The following SPHKAP variants were observed in gnomAD, a reference collection of about 807,000 sequenced individuals.
SPHKAP encodes the protein SPHK1 interactor, AKAP domain containing, also known as A-kinase anchor protein SPHKAP.
Under a neutral mutation model 137.5 loss-of-function variants are expected in SPHKAP, and 67 were observed. The observed-to-expected ratio is 0.49, with a 90% confidence interval of 0.40 to 0.60. The LOEUF (loss-of-function observed/expected upper bound fraction) is 0.60, where lower values mean the gene tolerates loss of function less well. Among genes scored for constraint, SPHKAP ranks in the 20% least tolerant of loss-of-function variants. SPHKAP has a pLI of 0.00. For synonymous variants in SPHKAP, 813 were observed against 785.3 expected (o/e 1.04, Z -0.59); for missense variants, 2,097 against 2,069.3 (o/e 1.01, Z -0.26).
intron 1 of SPHKAP, among the ~76,000 whole-genome samples, chr2:228,149,587 C>A (rs1455848442): frequency 1.3e-5 from 2 of 152,200 alleles, no homozygotes; most frequent in Non-Finnish European, 2.9e-5. Flanking sequence ...GAGCAACCAT[C>A]TGTAGTCACA....
chr2:228,177,073 A>G (rs1419338909), intron 1 of SPHKAP, among the ~76,000 whole-genome samples: 1 of 152,164 alleles, frequency 6.6e-6, no homozygotes, highest in Non-Finnish European at 1.5e-5. Context: ...TTCATTTATG[A>G]GATGATTGTA....
chr2:228,158,913 T>C (rs1159451539), intron 1 of SPHKAP, among the ~76,000 whole-genome samples: 1 of 152,210 alleles, frequency 6.6e-6, no homozygotes, highest in Non-Finnish European at 1.5e-5. Flanking sequence ...AAATACCAAA[T>C]ACTTCCAATT....
At chr2:228,031,932 GA>G (rs1440701089) in intron 3 of SPHKAP, among the ~76,000 whole-genome samples, 1 of 152,128 alleles carries the variant, frequency 6.6e-6, no homozygotes, top group South Asian at 2.1e-4. Flanking sequence ...CAAAGATGGG[GA>G]AAAAACAGCA....
intron 7 of SPHKAP, among the ~76,000 whole-genome samples, chr2:228,007,509 ACT>A (rs548936840): frequency 1.3e-5 from 2 of 151,368 alleles, no homozygotes; most frequent in Non-Finnish European, 2.9e-5. Context: ...TCATCATTTT[ACT>A]CTCTCCTTCT....
At chr2:228,118,679 G>T (rs962966681) in intron 2 of SPHKAP, among the ~76,000 whole-genome samples, 5 of 151,858 alleles carry the variant, frequency 3.3e-5, no homozygotes, top group African/African-American at 1.2e-4. Flanking sequence ...TTCCATATTG[G>T]CTCATATCAT....
At chr2:227,990,823 C>A in intron 11 of SPHKAP, 177 bp downstream of exon 11, 1 of 656,968 alleles carries the variant, frequency 1.5e-6, no homozygotes, top group East Asian at 2.8e-5. Context: ...CAAAGAAACG[C>A]TAAGTATATT....
chr2:228,012,918 G>A (rs982926418), intron 7 of SPHKAP, among the ~76,000 whole-genome samples: 32 of 152,170 alleles, frequency 2.1e-4, no homozygotes, highest in African/African-American at 7.7e-4. Flanking sequence ...AAGTAAGAAA[G>A]TGATTTTTAT....
chr2:227,998,125 G>T (rs1693703275), intron 7 of SPHKAP, among the ~76,000 whole-genome samples: 1 of 152,166 alleles, frequency 6.6e-6, no homozygotes, highest in African/African-American at 2.4e-5. Context: ...CCCTGCCTCG[G>T]CCTCCCAAGT....
chr2:227,992,473 TG>T lies in SPHKAP; in HGVS notation c.4721+1060del, dbSNP rs541246526. On this transcript the variant is annotated intron_variant, in intron 9 of 11. Transcript: ENST00000392056. The stretch of plus-strand genomic sequence containing the variant: ...GCTTCCTCAGAATACAGATTTTCCC[TG>T]GGGTTGTAGGGTCATAGGCTCATAT... Among the ~76,000 whole-genome samples the T allele has an allele frequency of 8.2e-3, 1,242 of 152,280 alleles. 18 individuals are homozygous for T. The highest frequency in any genetic ancestry group is 0.029 in the African/African-American group (1,200 of 41,544).
At chr2:228,097,423 C>T (rs542928440) in intron 3 of SPHKAP, among the ~76,000 whole-genome samples, 1 of 152,276 alleles carries the variant, frequency 6.6e-6, no homozygotes, top group Non-Finnish European at 1.5e-5. Flanking sequence ...ACATCTCTTG[C>T]TATTTTGGGG....
rs764243029 is a variant in SPHKAP at position 228,017,027 on chromosome 2, G to T, written c.3827C>A (p.Pro1276Gln). 1 of 1,614,128 alleles carries T rather than the reference G, an allele frequency of 6.2e-7. No homozygotes were observed. The highest frequency in any genetic ancestry group is 8.5e-7 in the Non-Finnish European group (1 of 1,180,014). Residue 1276 changes from proline to glutamine, a missense_variant, in exon 7 of 12, where the codon CCG becomes CAG. By Grantham distance (76) the Pro-to-Gln change is moderately conservative. Coordinates refer to ENST00000392056, the MANE Select transcript of SPHKAP (RefSeq NM_001142644.2). ...NCPQDFLSVQ[P>Q]VSSASSSGLC... ...ACCGGATGAGGACGCGCTACTGACC[G>T]GCTGCACGCTTAGGAAATCTTGTGG...
intron 3 of SPHKAP, among the ~76,000 whole-genome samples, chr2:228,104,722 A>G (rs530333203): frequency 7.9e-5 from 12 of 152,278 alleles, no homozygotes; most frequent in African/African-American, 2.9e-4. Context: ...ACTGTGATTC[A>G]TCAATTAAAG....
rs141921458 is a variant in SPHKAP at position 227,982,780 on chromosome 2, G to A, written c.4960-920C>T. ...AGGATCATGGTCTTCTAACACTTCC[G>A]TACAATGCTCTTTCTATCACCGCAC... is the stretch of plus-strand genomic sequence containing the variant. On this transcript the variant is annotated intron_variant, in intron 11 of 11. Coordinates refer to ENST00000392056, the MANE Select transcript of SPHKAP (RefSeq NM_001142644.2). 3.4e-4 allele frequency among the ~76,000 whole-genome samples: 52 copies of A among 152,240 alleles called. 1 individual carries two copies. The East Asian group carries it at 7.1e-3, about 21-fold the overall frequency.
Position 228,181,091 on chromosome 2 carries a change from G to A in SPHKAP, c.32+476C>T, listed in dbSNP as rs558161557. The stretch of plus-strand genomic sequence containing the variant: ...CAGTCTAGGTGTCGGTCGGGGGTGA[G>A]GGACAATCTTCCCCACCCCAGCAGC... On this transcript the variant is annotated intron_variant, in intron 1 of 11. Coordinates refer to ENST00000392056, the MANE Select transcript of SPHKAP (RefSeq NM_001142644.2). This position sits in a 1 kb window ranked among gnomAD's most constrained non-coding sequence, Gnocchi z 4.3. Among the ~76,000 whole-genome samples, 99 of 152,196 alleles carry A rather than the reference G, an allele frequency of 6.5e-4. 3 individuals are homozygous for A. In the South Asian group the frequency reaches 0.021, roughly 32 times the overall value.
intron 7 of SPHKAP, among the ~76,000 whole-genome samples, chr2:228,006,134 T>C (rs1694120008): frequency 6.6e-6 from 1 of 152,202 alleles, no homozygotes. Flanking sequence ...CTGCAGAGTG[T>C]TTTCCAAGTC....
At chr2:228,110,956 TAAA>T (rs1698499788) in intron 2 of SPHKAP, among the ~76,000 whole-genome samples, 2 of 152,096 alleles carry the variant, frequency 1.3e-5, no homozygotes, top group Admixed American at 1.3e-4. Flanking sequence ...GAAAATAAAA[TAAA>T]AAATTTTCTT....
intron 7 of SPHKAP, among the ~76,000 whole-genome samples, chr2:227,998,258 A>G (rs1328264963): frequency 6.6e-6 from 1 of 152,132 alleles, no homozygotes; most frequent in Admixed American, 6.6e-5. Flanking sequence ...TGGGCCTCCC[A>G]AAGTGCTGGG....
intron 3 of SPHKAP, among the ~76,000 whole-genome samples, chr2:228,102,005 T>C (rs1055678665): frequency 3.3e-5 from 5 of 152,168 alleles, no homozygotes; most frequent in African/African-American, 1.2e-4. Context: ...TACATTAACA[T>C]TGGGTGTAGT....
intron 2 of SPHKAP, among the ~76,000 whole-genome samples, chr2:228,123,487 T>A (rs1402626657): frequency 6.6e-6 from 1 of 152,214 alleles, no homozygotes; most frequent in Non-Finnish European, 1.5e-5. Context: ...TCTTTAATTT[T>A]ATTTATTTAT....
Sources: allele counts gnomAD v4.1 joint callset (sites outside exome capture counted in the v4.1 genomes callset), GRCh38; gene constraint gnomAD v4.1.1; non-coding constraint Gnocchi (gnomAD v3.1); transcripts MANE v1.5; gene names NCBI Gene and HGNC (gene_info 2026-07-23, HGNC 2026-07-21).